Variants in KAZN observed in about 807,000 individuals in gnomAD.
KAZN encodes the protein kazrin.
Under a neutral mutation model 87.4 loss-of-function variants are expected in KAZN, and 40 were observed. The ratio of observed to expected loss-of-function variants is 0.46; its 90% CI spans 0.36 to 0.60. The LOEUF is 0.60. Ranked by LOEUF, KAZN falls within the 20% of genes least tolerant of loss-of-function variation. The probability of loss-of-function intolerance (pLI) is 0.00; values close to 1 mark genes in which losing one functional copy is unlikely to be tolerated. For synonymous variants in KAZN, 466 were observed against 458.3 expected, an observed-to-expected ratio of 1.02 and a Z score of -0.22; for missense variants, 898 against 1,073.9, an observed-to-expected ratio of 0.84 and a Z score of 2.29.
intron 2 of KAZN, among the ~76,000 whole-genome samples, chr1:14,561,772 C>T (rs1003643492): frequency 1.7e-4 from 26 of 151,792 alleles, no homozygotes; most frequent in Admixed American, 8.5e-4. Flanking sequence ...GGCGTGGTGG[C>T]GGGCACCTGT....
At chr1:13,974,295 A>T (rs1642234792) in intron 1 of KAZN, among the ~76,000 whole-genome samples, 2 of 152,368 alleles carry the variant, frequency 1.3e-5, no homozygotes, top group South Asian at 4.1e-4. Flanking sequence ...GGCCACTCTT[A>T]TCATTTAGGG....
At chr1:14,662,807 A>C (rs1377610325) in intron 1 of KAZN, among the ~76,000 whole-genome samples, 1 of 150,888 alleles carries the variant, frequency 6.6e-6, no homozygotes, top group African/African-American at 2.4e-5. Flanking sequence ...GAAAGACACT[A>C]TTTACTGATC....
intron 2 of KAZN, among the ~76,000 whole-genome samples, chr1:14,570,154 C>T (rs1674778802): frequency 6.6e-6 from 1 of 152,116 alleles, no homozygotes; most frequent in African/African-American, 2.4e-5. Flanking sequence ...TCCAGGATGC[C>T]CATCTCACGC....
chr1:14,728,970 T>A (rs756398978), intron 1 of KAZN, among the ~76,000 whole-genome samples: 3 of 152,226 alleles, frequency 2.0e-5, no homozygotes, highest in Non-Finnish European at 4.4e-5. Context: ...CAGAGGTTAC[T>A]TATTCAGATA....
chr1:14,390,202 C>G (rs1303153406), intron 2 of KAZN, among the ~76,000 whole-genome samples: 1 of 152,136 alleles, frequency 6.6e-6, no homozygotes, highest in Non-Finnish European at 1.5e-5. Context: ...CTACTAGGTG[C>G]TCAACAATGA....
intron 1 of KAZN, among the ~76,000 whole-genome samples, chr1:14,086,222 C>G (rs1236235320): frequency 6.6e-6 from 1 of 152,044 alleles, no homozygotes; most frequent in Non-Finnish European, 1.5e-5. Context: ...TTCTGGGGTA[C>G]ATGGGTAGGA....
At chr1:14,505,553 A>AGATCAAATAAATTTGATTACTCTAGAGT (rs1272987412) in intron 2 of KAZN, among the ~76,000 whole-genome samples, 2 of 152,182 alleles carry the variant, frequency 1.3e-5, no homozygotes, top group Non-Finnish European at 1.5e-5. Flanking sequence ...CACTTATCTG[A>AGATCAAATAAATTTGATTACTCTAGAGT]GATCAAATAA....
At chr1:14,669,524 G>A (rs1639786567) in intron 1 of KAZN, among the ~76,000 whole-genome samples, 1 of 152,154 alleles carries the variant, frequency 6.6e-6, no homozygotes, top group South Asian at 2.1e-4. Flanking sequence ...GGGGAGGATT[G>A]TTTGAGGCCA....
intron 2 of KAZN, among the ~76,000 whole-genome samples, chr1:14,301,393 C>A (rs955472231): frequency 6.6e-6 from 1 of 152,202 alleles, no homozygotes; most frequent in Non-Finnish European, 1.5e-5. Context: ...CCAGTCCCAT[C>A]GGCTGGGGAA....
chr1:15,019,409 G>A (rs1313449967), intron 2 of KAZN, among the ~76,000 whole-genome samples: 1 of 152,138 alleles, frequency 6.6e-6, no homozygotes, highest in African/African-American at 2.4e-5. Flanking sequence ...GTTTCTTTGA[G>A]ACAGAGTCTT....
At chr1:14,492,921 G>A (rs778848867) in intron 2 of KAZN, among the ~76,000 whole-genome samples, 31 of 151,660 alleles carry the variant, frequency 2.0e-4, no homozygotes, top group Non-Finnish European at 3.7e-4. Flanking sequence ...CCACTTGCTC[G>A]CTGCAGCCTC....
intron 2 of KAZN, among the ~76,000 whole-genome samples, chr1:14,291,803 A>C (rs1380184245): frequency 6.6e-6 from 1 of 152,122 alleles, no homozygotes; most frequent in African/African-American, 2.4e-5. Context: ...AGCTGTTCCT[A>C]TTTGGCCATC....
chr1:14,595,680 C>CAAAAA (rs34080804), upstream of KAZN, among the ~76,000 whole-genome samples: 29 of 96,526 alleles, frequency 3.0e-4, no homozygotes, highest in Non-Finnish European at 3.9e-4. Context: ...GACTGCGTCT[C>CAAAAA]AAAAAAAAAA....
At chr1:13,931,641 G>A (rs1243721984) in intron 1 of KAZN, among the ~76,000 whole-genome samples, 2 of 151,700 alleles carry the variant, frequency 1.3e-5, no homozygotes, top group East Asian at 1.9e-4. Context: ...AAGATAAAAC[G>A]TGTGGATAAT....
At chr1:14,591,124 G>C (rs1371859751) in intron 2 of KAZN, among the ~76,000 whole-genome samples, 7 of 151,948 alleles carry the variant, frequency 4.6e-5, no homozygotes, top group African/African-American at 1.7e-4. Context: ...AGCTTTGTTG[G>C]GGGGACCTCT....
chr1:14,733,756 AAGGC>A (rs1285707032), intron 1 of KAZN, among the ~76,000 whole-genome samples: 1 of 152,162 alleles, frequency 6.6e-6, no homozygotes, highest in African/African-American at 2.4e-5. Context: ...TAACCTTGCT[AAGGC>A]ACAGGTTTCT....
At chr1:14,719,706 G>A (rs1366448753) in intron 1 of KAZN, among the ~76,000 whole-genome samples, 3 of 152,150 alleles carry the variant, frequency 2.0e-5, no homozygotes, top group African/African-American at 7.2e-5. Context: ...GGGTGTGGTG[G>A]CACACACCTG....
At chr1:14,736,989 G>A (rs1396429410) in intron 1 of KAZN, among the ~76,000 whole-genome samples, 1 of 152,154 alleles carries the variant, frequency 6.6e-6, no homozygotes, top group Non-Finnish European at 1.5e-5. Flanking sequence ...AGAGATCGGC[G>A]ATCGAGATCA....
At chr1:14,914,719 T>A (rs897930398) in intron 1 of KAZN, among the ~76,000 whole-genome samples, 1 of 152,186 alleles carries the variant, frequency 6.6e-6, no homozygotes. Context: ...AGAGAACAGG[T>A]TCTGGAGCCA....
Sources: allele counts gnomAD v4.1 joint callset (sites outside exome capture counted in the v4.1 genomes callset), GRCh38; gene constraint gnomAD v4.1.1; transcripts MANE v1.5; gene names NCBI Gene and HGNC (gene_info 2026-07-23, HGNC 2026-07-21).